MARCHF1: variants seen among roughly 807,000 people sequenced by gnomAD.
MARCHF1 encodes E3 ubiquitin-protein ligase MARCHF1.
In MARCHF1, 40 loss-of-function variants were observed where a neutral mutation model predicts 54.2. The observed-to-expected ratio is 0.74, with a 90% CI of 0.57 to 0.96. The LOEUF is 0.96. MARCHF1 is among the 40% of genes least tolerant of loss of function. MARCHF1 has a pLI of 0.00. For synonymous variants in MARCHF1, 236 were observed against 236.3 expected (o/e 1.00, Z 0.01); for missense variants, 586 against 656.5 (o/e 0.89, Z 1.17).
chr4:163,830,091 T>A (rs1579320703), intron 4 of MARCHF1, among the ~76,000 whole-genome samples: 1 of 152,240 alleles, frequency 6.6e-6, no homozygotes, highest in Non-Finnish European at 1.5e-5. Flanking sequence ...AACTCAAATG[T>A]TCAAAAAGTT....
chr4:164,270,425 T>C (rs1055386914), intron 1 of MARCHF1, among the ~76,000 whole-genome samples: 1 of 152,190 alleles, frequency 6.6e-6, no homozygotes, highest in African/African-American at 2.4e-5. Context: ...ATATACATGT[T>C]CACCTTTTTA....
intron 5 of MARCHF1, among the ~76,000 whole-genome samples, chr4:163,695,746 T>A (rs964728129): frequency 3.9e-5 from 6 of 152,204 alleles, no homozygotes; most frequent in Non-Finnish European, 8.8e-5. Context: ...TCTTTCCTTT[T>A]GACAGTTGGC....
intron 3 of MARCHF1, among the ~76,000 whole-genome samples, chr4:163,955,180 T>C (rs1752206176): frequency 1.3e-5 from 2 of 149,732 alleles, no homozygotes; most frequent in South Asian, 4.3e-4. Context: ...ACACCTTTAG[T>C]TCTAATGGCT....
chr4:163,904,446 G>T (rs1751011488), intron 3 of MARCHF1, among the ~76,000 whole-genome samples: 1 of 152,158 alleles, frequency 6.6e-6, no homozygotes, highest in African/African-American at 2.4e-5. Flanking sequence ...GACAGGTGCT[G>T]AGTGTTAAAA....
At chr4:163,747,098 T>C (rs1316584777) in intron 4 of MARCHF1, among the ~76,000 whole-genome samples, 2 of 152,140 alleles carry the variant, frequency 1.3e-5, no homozygotes, top group African/African-American at 2.4e-5. Context: ...ATCTGCAACG[T>C]TAAGGGGCTG....
At chr4:163,733,209 A>ACACACACATG (rs1326898710) in intron 4 of MARCHF1, among the ~76,000 whole-genome samples, 1 of 35,712 alleles carries the variant, frequency 2.8e-5, no homozygotes, top group African/African-American at 7.2e-5. Context: ...ATATATATAT[A>ACACACACATG]TATATATATA....
intron 7 of MARCHF1, among the ~76,000 whole-genome samples, chr4:163,597,134 T>G (rs918855649): frequency 1.3e-5 from 2 of 152,170 alleles, no homozygotes; most frequent in African/African-American, 4.8e-5. Context: ...TTTTGCATTT[T>G]TTTTGGAGAG....
Position 164,345,573 on chromosome 4 carries a change from CATAATAATAATA to C in MARCHF1, c.-323+38285_-323+38296del, listed in dbSNP as rs5863679. Reference sequence around the variant, plus strand: ...CAACTGAGCAAGAATCTGTCTCAAACATAATAATAATAATAATAATAATAATAATAATAATAA... The same window carrying C: ...CAACTGAGCAAGAATCTGTCTCAAACATAATAATAATAATAATAATAATAA... On this transcript the variant is annotated intron_variant, in intron 1 of 9. Transcript: ENST00000514618. Among the ~76,000 whole-genome samples the C allele has an allele frequency of 5.5e-3, 787 of 143,350 alleles. 4 individuals are homozygous for C. Among genetic ancestry groups the C allele is most frequent in the South Asian group, 0.039 (175 of 4,444 alleles). The allele number at this position is 143,350 out of a possible 152,430, so 94.0% of individuals were successfully genotyped here.
In MARCHF1 at chr4:164,245,226, T is replaced by C. The variant is rs1205451658; in HGVS notation, c.-322-133564A>G. 9.2e-5 allele frequency among the ~76,000 whole-genome samples: 14 copies of C among 152,180 alleles called. No individual in the cohort carries two copies. In the East Asian group the frequency reaches 1.5e-3, roughly 17 times the overall value. ...AATCCCCAATAAAATACTGGCAAAA[T>C]GAATCCAGCAGCACATCAAAAAGCT... On this transcript the variant is annotated intron_variant, in intron 1 of 9. Coordinates refer to ENST00000514618, the MANE Select transcript of MARCHF1 (RefSeq NM_001394959.1).
chr4:163,545,236 A>G (rs1738857110), intron 9 of MARCHF1, among the ~76,000 whole-genome samples: 1 of 152,188 alleles, frequency 6.6e-6, no homozygotes, highest in African/African-American at 2.4e-5. Context: ...ACTAGAGTGA[A>G]TTAAATAAAA....
rs528891059 is a variant in MARCHF1, at chr4:164,200,095, C to T, written c.-322-88433G>A. Among the ~76,000 whole-genome samples, 12 of 152,264 alleles carry T rather than the reference C, an allele frequency of 7.9e-5. No individual in the cohort carries two copies. The South Asian group carries it at 1.9e-3, about 24-fold the overall frequency. On this transcript the variant is annotated intron_variant, in intron 1 of 9. Transcript: ENST00000514618. ...GAAGGACTTTCTGGGTGACTGCATTCGGAGAAGCACACCTTCTCTGCACTC... is the reference window on the plus strand; with the variant it reads ...GAAGGACTTTCTGGGTGACTGCATTTGGAGAAGCACACCTTCTCTGCACTC...
chr4:163,641,223 C>T (rs545090246), intron 5 of MARCHF1, among the ~76,000 whole-genome samples: 1 of 152,128 alleles, frequency 6.6e-6, no homozygotes, highest in South Asian at 2.1e-4. Flanking sequence ...AAAGTTGTTA[C>T]TTTATAAAAT....
intron 6 of MARCHF1, 123 bp from the exon 7 acceptor site, chr4:163,613,161 A>G (rs1418057556): frequency 1.6e-6 from 2 of 1,233,746 alleles, no homozygotes; most frequent in African/African-American, 1.5e-5. Flanking sequence ...AGATCAACTG[A>G]AGAAAATGAA....
At chr4:164,116,113 A>G (rs1330134853) in intron 1 of MARCHF1, among the ~76,000 whole-genome samples, 1 of 152,168 alleles carries the variant, frequency 6.6e-6, no homozygotes, top group East Asian at 1.9e-4. Context: ...GAAATAAAGC[A>G]TTATCAATAG....
At chr4:164,016,044 A>T (rs1167220668) in intron 2 of MARCHF1, among the ~76,000 whole-genome samples, 1 of 152,200 alleles carries the variant, frequency 6.6e-6, no homozygotes, top group Non-Finnish European at 1.5e-5. Flanking sequence ...CAGCTAAGAT[A>T]TGGAATCAAC....
chr4:163,878,933 T>C (rs543040682), intron 3 of MARCHF1, among the ~76,000 whole-genome samples: 1 of 152,288 alleles, frequency 6.6e-6, no homozygotes, highest in African/African-American at 2.4e-5. Flanking sequence ...AGTAGTTTCA[T>C]TTGTGAAGCA....
In MARCHF1 at chr4:163,837,162, A is replaced by G. The variant is rs183609481; in HGVS notation, c.111+16859T>C. 2.9e-4 allele frequency among the ~76,000 whole-genome samples: 44 copies of G among 152,314 alleles called. No individual in the cohort carries two copies. The East Asian group carries it at 7.7e-3, about 27-fold the overall frequency. ...TCATGAATCACAATTAAGGGAAGCA[A>G]TATGTGTCAGAAGGACAGAATTCTA... On this transcript the variant is annotated intron_variant, in intron 4 of 9. Transcript: ENST00000514618.
At chr4:164,256,169 T>C (rs1733274082) in intron 1 of MARCHF1, among the ~76,000 whole-genome samples, 1 of 151,812 alleles carries the variant, frequency 6.6e-6, no homozygotes, top group South Asian at 2.1e-4. Context: ...AATTGTATCA[T>C]AAAAGTCACT....
intron 2 of MARCHF1, among the ~76,000 whole-genome samples, chr4:164,105,365 ATAC>A (rs1755668283): frequency 6.6e-6 from 1 of 150,732 alleles, no homozygotes; most frequent in Non-Finnish European, 1.5e-5. Flanking sequence ...ACTTCAAACT[ATAC>A]TACAAGGCTG....
Sources: gnomAD v4.1 joint callset for allele counts (sites outside exome capture counted in the v4.1 genomes callset) on GRCh38, gnomAD v4.1.1 for gene constraint, MANE v1.5 for transcripts, NCBI Gene and HGNC (gene_info 2026-07-23, HGNC 2026-07-21) for gene names.